The following BMP2K variants were observed in gnomAD, a reference collection of about 807,000 sequenced individuals.
The protein encoded by BMP2K is BMP2 inducible kinase.
BMP2K carries 74 observed loss-of-function variants against 116.0 expected under a neutral mutation model. The observed-to-expected ratio is 0.64, with a 90% CI of 0.53 to 0.77. BMP2K has a LOEUF of 0.77. Among genes scored for constraint, BMP2K ranks in the 30% least tolerant of loss-of-function variants. BMP2K has a pLI of 0.00. For missense variants in BMP2K, 1,365 were observed against 1,403.6 expected (o/e 0.97, Z 0.44); for synonymous variants, 486 against 502.5 (o/e 0.97, Z 0.44).
At chr4:78,842,140 TAAAGA>T (rs1730788787) in intron 3 of BMP2K, among the ~76,000 whole-genome samples, 1 of 152,074 alleles carries the variant, frequency 6.6e-6, no homozygotes, top group Non-Finnish European at 1.5e-5. Context: ...TCAGACGTGT[TAAAGA>T]AAAGTGGGCA....
Position 78,820,822 on chromosome 4 carries a change from T to G in BMP2K, c.179-5215T>G, listed in dbSNP as rs1181521975. 3 of 153,406 alleles carry G rather than the reference T, an allele frequency of 2.0e-5. No individual in the cohort carries two copies. In the East Asian group the frequency reaches 5.8e-4, roughly 30 times the overall value. 9.5% of individuals were successfully genotyped at this position (153,406 alleles called of 1,614,324 possible). A position where few individuals can be genotyped will look rare whatever the true frequency, so the allele number is the denominator to read the frequency against. On this transcript the variant is annotated intron_variant, in intron 1 of 15. Coordinates refer to ENST00000502613, the MANE Select transcript of BMP2K (RefSeq NM_198892.2). Reference sequence around the variant, plus strand: ...CCTGACCTCAGGTGATCCATCCACCTCGGCCTCCCAAAGTGCTGGGATTAC... The same window carrying G: ...CCTGACCTCAGGTGATCCATCCACCGCGGCCTCCCAAAGTGCTGGGATTAC...
intron 1 of BMP2K, among the ~76,000 whole-genome samples, chr4:78,823,758 A>C (rs1729747406): frequency 6.6e-6 from 1 of 151,912 alleles, no homozygotes; most frequent in Admixed American, 6.6e-5. Context: ...CACCTCAGGC[A>C]ATTCTGATGC....
intron 9 of BMP2K, 107 bp from the exon 10 acceptor site, chr4:78,865,450 T>G: frequency 9.8e-7 from 1 of 1,025,566 alleles, no homozygotes; most frequent in South Asian, 1.6e-5. Context: ...CTAATGCGAT[T>G]ATCAGTAATA....
Position 78,833,704 on chromosome 4 carries a change from A to G in BMP2K, c.403+17A>G. ...ATTGTCGAGGTAAGTATTTTTTTGC[A>G]TTTGTACTGTAATAAAAAGTTTCTC... On this transcript the variant is annotated intron_variant, in intron 3 of 15. Coordinates refer to ENST00000502613, the MANE Select transcript of BMP2K (RefSeq NM_198892.2). 3 of 1,556,818 alleles carry G rather than the reference A, an allele frequency of 1.9e-6. No homozygotes were observed. The highest frequency in any genetic ancestry group is 1.8e-6 in the Non-Finnish European group (2 of 1,141,630).
Position 78,812,643 on chromosome 4 carries a change from G to C in BMP2K, c.179-13394G>C, listed in dbSNP as rs142220518. Among the ~76,000 whole-genome samples, 4 of 152,340 alleles carry C rather than the reference G, an allele frequency of 2.6e-5. No homozygotes were observed. In the East Asian group the frequency reaches 7.7e-4, roughly 29 times the overall value. ...TCTCTAAACTCAGGGTTGTTTTCAT[G>C]TAATGCAACCCACTGCATATGAAGG... On this transcript the variant is annotated intron_variant, in intron 1 of 15. Coordinates refer to ENST00000502613, the MANE Select transcript of BMP2K (RefSeq NM_198892.2).
chr4:78,890,068 CT>C (rs1733346951), intron 15 of BMP2K, among the ~76,000 whole-genome samples: 1 of 151,770 alleles, frequency 6.6e-6, no homozygotes, highest in Admixed American at 6.6e-5. Flanking sequence ...TTAGTATATA[CT>C]TTTTTCTGCA....
intron 7 of BMP2K, among the ~76,000 whole-genome samples, chr4:78,852,119 A>G (rs1731281998): frequency 6.6e-6 from 1 of 152,006 alleles, no homozygotes; most frequent in African/African-American, 2.4e-5. Context: ...CAGTAGTAGG[A>G]TCTTATTTTC....
intron 2 of BMP2K, among the ~76,000 whole-genome samples, chr4:78,828,525 C>T (rs897188895): frequency 1.3e-5 from 2 of 152,094 alleles, no homozygotes. Flanking sequence ...GACCCACAAT[C>T]AGAAAGGTGG....
At chr4:78,796,279 T>C (rs1190127024) in intron 1 of BMP2K, among the ~76,000 whole-genome samples, 1 of 150,690 alleles carries the variant, frequency 6.6e-6, no homozygotes, top group Admixed American at 6.7e-5. Flanking sequence ...AGTAAACTAT[T>C]GCAAGAACAG....
Position 78,850,752 on chromosome 4 carries a change from T to C in BMP2K, c.751-172T>C, listed in dbSNP as rs747677110. On this transcript the variant is annotated intron_variant, in intron 6 of 15. Transcript: ENST00000502613. ...GTGATAGAAGATCATGGAAATGATA[T>C]AGTTAAATGTCTTTTCAAAAATTAA... 1.3e-4 allele frequency: 70 copies of C among 520,210 alleles called. 1 individual carries two copies. The Middle Eastern group carries it at 1.6e-3, about 12-fold the overall frequency. The allele number at this position is 520,210 out of a possible 1,614,324, so 32.2% of individuals were successfully genotyped here.
At chr4:78,823,306 A>G (rs1471556645) in intron 1 of BMP2K, among the ~76,000 whole-genome samples, 1 of 151,948 alleles carries the variant, frequency 6.6e-6, no homozygotes, top group Non-Finnish European at 1.5e-5. Context: ...GAATAGGTAT[A>G]TAGGATCCAT....
At chr4:78,878,245 A>G (rs1279960072) in intron 13 of BMP2K, among the ~76,000 whole-genome samples, 4 of 152,210 alleles carry the variant, frequency 2.6e-5, no homozygotes, top group Non-Finnish European at 5.9e-5. Flanking sequence ...GTGTCCCAGC[A>G]TAACCAAGGC....
chr4:78,902,498 T>A (rs567451186), intron 15 of BMP2K, among the ~76,000 whole-genome samples: 1 of 149,602 alleles, frequency 6.7e-6, no homozygotes, highest in East Asian at 1.9e-4. Context: ...GGTAAATTGC[T>A]GGGAGATGAT....
At chr4:78,817,340 G>A (rs947551160) in intron 1 of BMP2K, among the ~76,000 whole-genome samples, 8 of 152,170 alleles carry the variant, frequency 5.3e-5, no homozygotes, top group African/African-American at 1.9e-4. Context: ...CTAAGTCTTA[G>A]GGGTCATCTG....
chr4:78,886,637 G>A (rs574353131), intron 14 of BMP2K, among the ~76,000 whole-genome samples: 1 of 152,226 alleles, frequency 6.6e-6, no homozygotes, highest in Non-Finnish European at 1.5e-5. Context: ...TTTTGTGAGT[G>A]TACGTGGGGG....
rs1734664400 is a variant in BMP2K at position 78,912,097 on chromosome 4, T to C, written c.*64T>C. ...AAAAAGTGTGAACAGTTTTATGAAT[T>C]TGAAAGAAAATTTGGTAGCTCTTTA... On this transcript the variant is annotated 3_prime_UTR_variant, in exon 16 of 16. Coordinates refer to ENST00000502613, the MANE Select transcript of BMP2K (RefSeq NM_198892.2). 2 of 1,452,336 alleles carry C rather than the reference T, an allele frequency of 1.4e-6. No homozygotes were observed. The highest frequency in any genetic ancestry group is 1.3e-5 in the South Asian group (1 of 74,568). 90.0% of individuals were successfully genotyped at this position (1,452,336 alleles called of 1,614,324 possible).
intron 12 of BMP2K, 76 bp from the exon 13 acceptor site, chr4:78,872,538 C>CATAGTAA: frequency 2.3e-6 from 3 of 1,326,914 alleles, no homozygotes; most frequent in Non-Finnish European, 3.1e-6. Context: ...AAGGAAGGAA[C>CATAGTAA]ATAGTAAATA....
chr4:78,827,594 C>T (rs1269828515), intron 2 of BMP2K, among the ~76,000 whole-genome samples: 1 of 152,050 alleles, frequency 6.6e-6, no homozygotes, highest in Non-Finnish European at 1.5e-5. Context: ...AGTGACCTTC[C>T]CAATCTGGAA....
At chr4:78,879,422 T>C in intron 14 of BMP2K, 2 of 985,568 alleles carry the variant, frequency 2.0e-6, no homozygotes, top group Non-Finnish European at 1.2e-6. Context: ...AAATAAATTC[T>C]TTTTCACTTT....
Sources: allele counts gnomAD v4.1 joint callset (sites outside exome capture counted in the v4.1 genomes callset), GRCh38; gene constraint gnomAD v4.1.1; transcripts MANE v1.5; gene names NCBI Gene and HGNC (gene_info 2026-07-23, HGNC 2026-07-21).